The following ANKS1A variants were observed in gnomAD, a reference collection of about 807,000 sequenced individuals.
The protein encoded by ANKS1A is ankyrin repeat and sterile alpha motif domain containing 1A.
Under a neutral mutation model 120.3 loss-of-function variants are expected in ANKS1A, and 55 were observed. The observed-to-expected ratio is 0.46, with a 90% CI of 0.37 to 0.57. The LOEUF is 0.57. Among genes scored for constraint, ANKS1A ranks in the 20% least tolerant of loss-of-function variants. The pLI, the probability that ANKS1A is intolerant of heterozygous loss-of-function variation, is 0.00. For missense variants in ANKS1A, 1,123 were observed against 1,480.3 expected (o/e 0.76, Z 3.96); for synonymous variants, 590 against 604.7 (o/e 0.98, Z 0.36).
intron 10 of ANKS1A, chr6:35,009,821 T>G (rs575386720): frequency 6.0e-6 from 1 of 165,594 alleles, no homozygotes; most frequent in East Asian, 1.8e-4. Context: ...GAGAATCATT[T>G]GAACCTGGGA....
chr6:35,001,350 A>G (rs1299949843), intron 10 of ANKS1A, among the ~76,000 whole-genome samples: 1 of 152,246 alleles, frequency 6.6e-6, no homozygotes, highest in Non-Finnish European at 1.5e-5. Context: ...AATGGATCAA[A>G]TATTCCATCT....
rs1778210700 is a variant in ANKS1A, at chr6:35,089,967, G to T, written c.*1358G>T. 8.6e-7 allele frequency: 1 copy of T among 1,167,026 alleles called. No individual in the cohort carries two copies. The highest frequency in any genetic ancestry group is 1.1e-6 in the Non-Finnish European group (1 of 929,140). 72.3% of individuals were successfully genotyped at this position (1,167,026 alleles called of 1,614,324 possible). On this transcript the variant is annotated 3_prime_UTR_variant, in exon 24 of 24. Coordinates refer to ENST00000360359, the MANE Select transcript of ANKS1A (RefSeq NM_015245.3). ...CCCAGCCAGCAAAGGCTGTGAATTT[G>T]AATTCTTTGTTGGTATGTATGTGCA... is the stretch of plus-strand genomic sequence containing the variant.
chr6:35,038,600 G>C (rs914726200), intron 11 of ANKS1A, among the ~76,000 whole-genome samples: 5 of 152,142 alleles, frequency 3.3e-5, no homozygotes, highest in African/African-American at 1.2e-4. Flanking sequence ...TTCTGCCTCA[G>C]CCTCCCCAGT....
At position 35,089,348 on chromosome 6, in the gene ANKS1A, G is replaced by A; in HGVS notation, c.*739G>A. The A allele has an allele frequency of 2.0e-6, 2 of 986,874 alleles. No homozygotes were observed. Among genetic ancestry groups the A allele is most frequent in the Non-Finnish European group, 2.4e-6 (2 of 830,698 alleles). 61.1% of individuals were successfully genotyped at this position (986,874 alleles called of 1,614,324 possible). Reference sequence around the variant, plus strand: ...CAGTTTCTAGTGCTGGGAAGTCTTAGCCAGCACCAGAGCGCCAGGCCTCTC... The same window carrying A: ...CAGTTTCTAGTGCTGGGAAGTCTTAACCAGCACCAGAGCGCCAGGCCTCTC... On this transcript the variant is annotated 3_prime_UTR_variant, in exon 24 of 24. Coordinates refer to ENST00000360359, the MANE Select transcript of ANKS1A (RefSeq NM_015245.3).
intron 11 of ANKS1A, among the ~76,000 whole-genome samples, chr6:35,029,128 A>G (rs1774771548): frequency 6.6e-6 from 1 of 151,766 alleles, no homozygotes; most frequent in South Asian, 2.1e-4. Context: ...TGTTTACAAA[A>G]CACTACTTTC....
intron 13 of ANKS1A, among the ~76,000 whole-genome samples, chr6:35,073,062 C>T (rs1777158094): frequency 6.6e-6 from 1 of 152,250 alleles, no homozygotes; most frequent in South Asian, 2.1e-4. Flanking sequence ...ATGTGAGCAG[C>T]TCCTATCTGA....
chr6:34,954,496 G>GT (rs1338204783), intron 1 of ANKS1A, among the ~76,000 whole-genome samples: 2 of 152,202 alleles, frequency 1.3e-5, no homozygotes, highest in Non-Finnish European at 2.9e-5. Flanking sequence ...TGGCAGGATA[G>GT]AAGAAGGAAC....
chr6:35,091,404 G>A lies in ANKS1A; in HGVS notation c.*2795G>A, dbSNP rs148040015. 38 of 985,438 alleles carry A rather than the reference G, an allele frequency of 3.9e-5. No individual in the cohort carries two copies. In the East Asian group the frequency reaches 3.6e-3, roughly 94 times the overall value. 61.0% of individuals were successfully genotyped at this position (985,438 alleles called of 1,614,324 possible). A position where few individuals can be genotyped will look rare whatever the true frequency, so the allele number is the denominator to read the frequency against. On this transcript the variant is annotated 3_prime_UTR_variant, in exon 24 of 24. Coordinates refer to ENST00000360359, the MANE Select transcript of ANKS1A (RefSeq NM_015245.3). ...TTAATAAATGAGAAGCGACATGAAC[G>A]CAGCCTTAATTCTTCTGAGTCTTTG... is the stretch of plus-strand genomic sequence containing the variant.
Position 34,994,330 on chromosome 6 carries a change from G to A in ANKS1A, c.1331G>A (p.Gly444Glu). Residue 444 changes from glycine (G) to glutamate (E), a missense_variant, in exon 10 of 24, where the codon GGG becomes GAG. Physicochemically the swap from Gly to Glu is moderately conservative, Grantham distance 98. Coordinates refer to ENST00000360359, the MANE Select transcript of ANKS1A (RefSeq NM_015245.3). ...EVLSMRPRIH[G>E]SAAREEDEHP... ...CTGTCCATGAGACCTAGGATTCATG[G>A]GAGTGCAGCCCGGGAAGAAGACGAA... 2.5e-6 allele frequency: 4 copies of A among 1,613,568 alleles called. No homozygotes were observed. Among genetic ancestry groups the A allele is most frequent in the Non-Finnish European group, 3.4e-6 (4 of 1,179,646 alleles).
intron 13 of ANKS1A, among the ~76,000 whole-genome samples, chr6:35,070,638 T>C (rs820072): frequency 0.85 from 128,223 of 151,698 alleles, 54,498 homozygotes; most frequent in South Asian, 0.92. Flanking sequence ...TACAGGTGTC[T>C]GCCACCACGC....
At chr6:35,080,093 C>T (rs895017120) in intron 16 of ANKS1A, among the ~76,000 whole-genome samples, 165 bp downstream of exon 16, 1 of 152,168 alleles carries the variant, frequency 6.6e-6, no homozygotes, top group African/African-American at 2.4e-5. Context: ...TTCCCCGCCA[C>T]CTGTTTCTAC....
chr6:35,083,783 G>A (rs770686359), intron 20 of ANKS1A, among the ~76,000 whole-genome samples: 5 of 152,128 alleles, frequency 3.3e-5, no homozygotes, highest in East Asian at 3.9e-4. Flanking sequence ...GATTCCCTCC[G>A]TGAGCAAAGG....
chr6:35,094,207 T>G (rs1479974111), downstream of ANKS1A, among the ~76,000 whole-genome samples: 1 of 152,224 alleles, frequency 6.6e-6, no homozygotes, highest in Non-Finnish European at 1.5e-5. Context: ...TGTCCAAGTT[T>G]CAATAGAAAA....
intron 11 of ANKS1A, chr6:35,039,489 G>A (rs896984332): frequency 4.6e-6 from 2 of 437,182 alleles, no homozygotes; most frequent in Non-Finnish European, 9.2e-6. Flanking sequence ...GAGCCATCAC[G>A]CCCAGTCCAT....
chr6:34,930,821 C>T (rs1768943556), intron 1 of ANKS1A, among the ~76,000 whole-genome samples: 1 of 152,002 alleles, frequency 6.6e-6, no homozygotes, highest in Admixed American at 6.6e-5. Flanking sequence ...TCAGAAATGA[C>T]ACTTCTTCCC....
chr6:35,030,407 A>G, intron 11 of ANKS1A, among the ~76,000 whole-genome samples: 1 of 152,192 alleles, frequency 6.6e-6, no homozygotes, highest in East Asian at 1.9e-4. Context: ...TGTGACTTGA[A>G]AAGTGAGGTG....
intron 13 of ANKS1A, among the ~76,000 whole-genome samples, chr6:35,076,920 G>A (rs368429439): frequency 7.4e-4 from 113 of 152,224 alleles, no homozygotes; most frequent in African/African-American, 2.3e-3. Flanking sequence ...GTGAGCCACC[G>A]CGCCTGGCCA....
intron 1 of ANKS1A, among the ~76,000 whole-genome samples, chr6:34,918,894 T>G (rs1180347160): frequency 1.3e-5 from 2 of 152,184 alleles, no homozygotes; most frequent in Non-Finnish European, 2.9e-5. Flanking sequence ...CTCTGTCACC[T>G]AGGCTGGAGT....
At chr6:35,026,635 G>A (rs1454106509) in intron 11 of ANKS1A, among the ~76,000 whole-genome samples, 1 of 152,134 alleles carries the variant, frequency 6.6e-6, no homozygotes, top group Non-Finnish European at 1.5e-5. Context: ...AGGACGTGAA[G>A]GAGCAAGCTG....
Sources: gnomAD v4.1 joint callset for allele counts (sites outside exome capture counted in the v4.1 genomes callset) on GRCh38, gnomAD v4.1.1 for gene constraint, MANE v1.5 for transcripts, NCBI Gene and HGNC (gene_info 2026-07-23, HGNC 2026-07-21) for gene names.